Variants in ADAMTS6 observed in about 807,000 individuals in gnomAD.
ADAMTS6 encodes the protein ADAM metallopeptidase with thrombospondin type 1 motif 6, also known as A disintegrin and metalloproteinase with thrombospondin motifs 6.
Under a neutral mutation model 144.3 loss-of-function variants are expected in ADAMTS6, and 23 were observed. The observed-to-expected ratio is 0.16, with a 90% CI of 0.11 to 0.23. The LOEUF (loss-of-function observed/expected upper bound fraction) is 0.23. ADAMTS6 is among the 10% of genes least tolerant of loss of function. The pLI is 1.00. For synonymous variants in ADAMTS6, 444 were observed against 457.5 expected, an observed-to-expected ratio of 0.97 and a Z score of 0.38; for missense variants, 999 against 1,379.6, an observed-to-expected ratio of 0.72 and a Z score of 4.37.
chr5:65,293,802 T>C (rs968052611), intron 10 of ADAMTS6, among the ~76,000 whole-genome samples: 7 of 152,064 alleles, frequency 4.6e-5, no homozygotes, highest in African/African-American at 1.7e-4. Context: ...ATCCCAAAAG[T>C]GTATTTTTGT....
chr5:65,168,421 G>C (rs1753356644), intron 24 of ADAMTS6, among the ~76,000 whole-genome samples: 1 of 148,814 alleles, frequency 6.7e-6, no homozygotes, highest in Admixed American at 6.7e-5. Flanking sequence ...CATGCTCATG[G>C]ATAGGAAGAA....
At chr5:65,388,896 G>A (rs1051541153) in intron 7 of ADAMTS6, among the ~76,000 whole-genome samples, 1 of 152,078 alleles carries the variant, frequency 6.6e-6, no homozygotes, top group Non-Finnish European at 1.5e-5. Context: ...GCTCAAAAAA[G>A]TCACAATGCT....
intron 7 of ADAMTS6, among the ~76,000 whole-genome samples, chr5:65,436,302 C>T (rs1757400593): frequency 6.6e-6 from 1 of 152,104 alleles, no homozygotes; most frequent in Admixed American, 6.6e-5. Context: ...CAGAGTAAGA[C>T]CTTGTCTCAA....
chr5:65,167,261 G>T (rs1261894434), intron 24 of ADAMTS6, among the ~76,000 whole-genome samples: 1 of 151,718 alleles, frequency 6.6e-6, no homozygotes, highest in Non-Finnish European at 1.5e-5. Flanking sequence ...ACACCTCTAC[G>T]CAAATAAACT....
intron 7 of ADAMTS6, among the ~76,000 whole-genome samples, chr5:65,340,164 T>C (rs1456797488): frequency 6.6e-6 from 1 of 151,834 alleles, no homozygotes; most frequent in Non-Finnish European, 1.5e-5. Context: ...ACCATTAGAC[T>C]AACAGCTAAT....
chr5:65,167,362 A>G (rs1219759757), intron 24 of ADAMTS6, among the ~76,000 whole-genome samples: 1 of 152,002 alleles, frequency 6.6e-6, no homozygotes, highest in Non-Finnish European at 1.5e-5. Flanking sequence ...ATAGACCAAT[A>G]ACAGGAGCTG....
intron 22 of ADAMTS6, among the ~76,000 whole-genome samples, chr5:65,181,783 A>T (rs984317480): frequency 6.6e-6 from 1 of 152,222 alleles, no homozygotes; most frequent in African/African-American, 2.4e-5. Flanking sequence ...CTAGGCAAAA[A>T]CATATAGGAT....
Position 65,197,049 on chromosome 5 carries a change from G to C in ADAMTS6, c.2678C>G (p.Ala893Gly), listed in dbSNP as rs1755433182. Residue 893 changes from alanine (A) to glycine (G), a missense_variant, in exon 21 of 25, where the codon GCC becomes GGC. By Grantham distance (60) the Ala-to-Gly change is moderately conservative. This residue lies in a region of ADAMTS6 where 619 missense variants were observed against 837.0 expected (regional missense o/e 0.74). Coordinates refer to ENST00000381055, the MANE Select transcript of ADAMTS6 (RefSeq NM_197941.4). The stretch of plus-strand genomic sequence containing the variant: ...AGGTGGGCAGGGCTCAGTGTTGCAG[G>C]CTCTTTGATTTTCAGGTGGCTTACT... Reference protein sequence around the residue: ...PDSKPPENQRACNTEPCPPEW... With the variant: ...PDSKPPENQRGCNTEPCPPEW... 1.9e-6 allele frequency: 3 copies of C among 1,613,534 alleles called. No individual in the cohort carries two copies. The highest frequency in any genetic ancestry group is 2.5e-6 in the Non-Finnish European group (3 of 1,179,638).
At chr5:65,227,447 C>G (rs1448004997) in intron 15 of ADAMTS6, among the ~76,000 whole-genome samples, 1 of 152,146 alleles carries the variant, frequency 6.6e-6, no homozygotes, top group Admixed American at 6.5e-5. Context: ...GAAATCATGA[C>G]TTAAAATATT....
At chr5:65,199,099 A>C (rs913191205) in intron 20 of ADAMTS6, among the ~76,000 whole-genome samples, 1 of 151,972 alleles carries the variant, frequency 6.6e-6, no homozygotes, top group Non-Finnish European at 1.5e-5. Context: ...CAGGGACAGC[A>C]GGGGATTTTT....
intron 7 of ADAMTS6, among the ~76,000 whole-genome samples, chr5:65,426,430 T>C (rs1171207483): frequency 6.6e-6 from 1 of 152,042 alleles, no homozygotes; most frequent in African/African-American, 2.4e-5. Context: ...TTTAGATTTA[T>C]CTTCTTTTTA....
chr5:65,404,336 C>A (rs1754229684), intron 7 of ADAMTS6, among the ~76,000 whole-genome samples: 1 of 152,026 alleles, frequency 6.6e-6, no homozygotes, highest in South Asian at 2.1e-4. Flanking sequence ...TTATATTCCC[C>A]ATCCTGTGTC....
intron 1 of ADAMTS6, among the ~76,000 whole-genome samples, 172 bp from the exon 2 acceptor site, chr5:65,474,124 T>C (rs946777677): frequency 1.3e-5 from 2 of 152,226 alleles, no homozygotes; most frequent in East Asian, 3.9e-4. Flanking sequence ...GACACAGAAT[T>C]AGAGACCAAA....
At chr5:65,312,848 T>G (rs1744630176) in intron 9 of ADAMTS6, among the ~76,000 whole-genome samples, 1 of 151,738 alleles carries the variant, frequency 6.6e-6, no homozygotes, top group African/African-American at 2.4e-5. Context: ...CATGTTGGGG[T>G]GTATGTATGT....
intron 3 of ADAMTS6, among the ~76,000 whole-genome samples, chr5:65,470,518 A>G (rs16893854): frequency 0.069 from 10,465 of 152,160 alleles, 424 homozygotes; most frequent in African/African-American, 0.093. Context: ...GAAAAACATA[A>G]GTCTAAAGGG....
intron 7 of ADAMTS6, among the ~76,000 whole-genome samples, chr5:65,429,261 T>A (rs1052150517): frequency 1.3e-5 from 2 of 152,148 alleles, no homozygotes; most frequent in African/African-American, 2.4e-5. Context: ...CCTTGCTGAG[T>A]TCCCCCCAGT....
chr5:65,240,486 C>T (rs1412106855), intron 15 of ADAMTS6, among the ~76,000 whole-genome samples: 1 of 151,914 alleles, frequency 6.6e-6, no homozygotes, highest in Non-Finnish European at 1.5e-5. Context: ...TGTTTGTGTC[C>T]CCCCAAAACC....
intron 7 of ADAMTS6, among the ~76,000 whole-genome samples, chr5:65,391,430 A>C (rs965892832): frequency 6.6e-6 from 1 of 151,658 alleles, no homozygotes; most frequent in Non-Finnish European, 1.5e-5. Flanking sequence ...ACACACACAC[A>C]CACACACACA....
chr5:65,249,523 G>A lies in ADAMTS6; in HGVS notation c.1831-7317C>T, dbSNP rs114523383. Among the ~76,000 whole-genome samples the A allele has an allele frequency of 4.1e-3, 623 of 152,216 alleles. 8 individuals are homozygous for A. Among genetic ancestry groups the A allele is most frequent in the African/African-American group, 0.015 (606 of 41,540 alleles). ...CTTGGTGCAGTCTCTTCCAAGCATC[G>A]TTTCCTTTCTTTCCTGTTCTAAAGC... On this transcript the variant is annotated intron_variant, in intron 14 of 24. Coordinates refer to ENST00000381055, the MANE Select transcript of ADAMTS6 (RefSeq NM_197941.4).
Sources: gnomAD v4.1 joint callset for allele counts (sites outside exome capture counted in the v4.1 genomes callset) on GRCh38, gnomAD v4.1.1 for gene constraint, gnomAD v4.1.1 regional missense constraint, MANE v1.5 for transcripts, NCBI Gene and HGNC (gene_info 2026-07-23, HGNC 2026-07-21) for gene names.